NTN1: variants seen among roughly 807,000 people sequenced by gnomAD.
NTN1 encodes the protein netrin 1.
In NTN1, 11 loss-of-function variants were observed where a neutral mutation model predicts 54.2. That is an observed-to-expected ratio of 0.20 (90% confidence interval 0.13 to 0.34). The LOEUF is 0.34. Ranked by LOEUF, NTN1 falls within the 10% of genes least tolerant of loss-of-function variation. The probability of loss-of-function intolerance (pLI) is 1.00; values close to 1 mark genes in which losing one functional copy is unlikely to be tolerated. For synonymous variants in NTN1, 371 were observed against 382.0 expected (o/e 0.97, Z 0.33); for missense variants, 740 against 893.1 (o/e 0.83, Z 2.18).
intron 2 of NTN1, among the ~76,000 whole-genome samples, chr17:9,092,844 C>T (rs1017000277): frequency 4.6e-5 from 7 of 151,990 alleles, no homozygotes; most frequent in African/African-American, 1.2e-4. Flanking sequence ...CTGCAAGCTC[C>T]GCCTCCCAGG....
chr17:9,216,813 C>T lies in NTN1; in HGVS notation c.1412-4355C>T, dbSNP rs1040644311. 3.3e-5 allele frequency among the ~76,000 whole-genome samples: 5 copies of T among 152,130 alleles called. No homozygotes were observed. The South Asian group carries it at 6.2e-4, about 19-fold the overall frequency. On this transcript the variant is annotated intron_variant, in intron 5 of 6. Coordinates refer to ENST00000173229, the MANE Select transcript of NTN1 (RefSeq NM_004822.3). ...ATCCCAGCACTTTGGGAGGCCAAGGCGGGTGGATCATGAGGTCAGGAGTTC... is the reference window on the plus strand; with the variant it reads ...ATCCCAGCACTTTGGGAGGCCAAGGTGGGTGGATCATGAGGTCAGGAGTTC...
intron 5 of NTN1, among the ~76,000 whole-genome samples, chr17:9,197,467 T>G (rs1367084930): frequency 6.6e-6 from 1 of 151,926 alleles, no homozygotes; most frequent in East Asian, 1.9e-4. Context: ...GAGACCAGCC[T>G]GGCCAACATG....
chr17:9,122,753 T>C (rs117107596), intron 2 of NTN1, among the ~76,000 whole-genome samples: 4 of 152,230 alleles, frequency 2.6e-5, no homozygotes, highest in Non-Finnish European at 5.9e-5. Flanking sequence ...TACCCTGTGG[T>C]GTGTCTGTTG....
chr17:9,047,263 G>T (rs977640642), intron 2 of NTN1, among the ~76,000 whole-genome samples: 2 of 152,152 alleles, frequency 1.3e-5, no homozygotes, highest in African/African-American at 4.8e-5. Context: ...TTCCTTTCAT[G>T]AAAGATTTTG....
chr17:9,034,047 G>A (rs2091895905), intron 2 of NTN1, among the ~76,000 whole-genome samples: 2 of 152,180 alleles, frequency 1.3e-5, no homozygotes, highest in South Asian at 4.1e-4. Flanking sequence ...TAGGGACAAT[G>A]GTGAGAGAAC....
intron 5 of NTN1, among the ~76,000 whole-genome samples, chr17:9,220,755 A>G (rs1905319078): frequency 6.6e-6 from 1 of 152,078 alleles, no homozygotes. Flanking sequence ...GCTCCGCACC[A>G]TGAAAGCCAG....
At chr17:9,202,949 T>G (rs1177653672) in intron 5 of NTN1, among the ~76,000 whole-genome samples, 2 of 152,084 alleles carry the variant, frequency 1.3e-5, no homozygotes, top group African/African-American at 4.8e-5. Context: ...TGAGATGGAG[T>G]CTCTCTCTGT....
rs547824807 is a variant in NTN1 at position 9,074,457 on chromosome 17, T to G, written c.1018+51066T>G. Among the ~76,000 whole-genome samples the G allele has an allele frequency of 2.0e-5, 3 of 152,290 alleles. No individual in the cohort carries two copies. The East Asian group carries it at 5.8e-4, about 29-fold the overall frequency. ...AGTGAGTGTGCAAATCAGTGGAAAT[T>G]CATCTGCACCACTGGAAAAACAACT... On this transcript the variant is annotated intron_variant, in intron 2 of 6. Coordinates refer to ENST00000173229, the MANE Select transcript of NTN1 (RefSeq NM_004822.3).
At chr17:9,161,671 AG>A (rs2092357347) in intron 2 of NTN1, among the ~76,000 whole-genome samples, 1 of 152,130 alleles carries the variant, frequency 6.6e-6, no homozygotes, top group African/African-American at 2.4e-5. Flanking sequence ...CCAGCTACTT[AG>A]GAGGGTGAGG....
intron 5 of NTN1, among the ~76,000 whole-genome samples, chr17:9,206,958 C>T (rs1353741657): frequency 6.6e-6 from 1 of 152,124 alleles, no homozygotes; most frequent in Non-Finnish European, 1.5e-5. Flanking sequence ...GGAGCCTTTA[C>T]TTTTCGGCTG....
Position 9,240,019 on chromosome 17 carries a change from G to C in NTN1, c.*51G>C. 8.2e-7 allele frequency: 1 copy of C among 1,226,576 alleles called. No homozygotes were observed. 76.0% of individuals were successfully genotyped at this position (1,226,576 alleles called of 1,614,324 possible). ...GGCGGGCGCCAGGGCGGGGCCGAGCGAGAGCGGGCGCCTTGGCCCGGCCGC... is the reference window on the plus strand; with the variant it reads ...GGCGGGCGCCAGGGCGGGGCCGAGCCAGAGCGGGCGCCTTGGCCCGGCCGC... On this transcript the variant is annotated 3_prime_UTR_variant, in exon 7 of 7. Coordinates refer to ENST00000173229, the MANE Select transcript of NTN1 (RefSeq NM_004822.3).
intron 2 of NTN1, among the ~76,000 whole-genome samples, chr17:9,114,166 A>AAAAAATATAT (rs1555569108): frequency 8.0e-5 from 6 of 74,658 alleles, no homozygotes; most frequent in African/African-American, 3.5e-4. Context: ...AAAAAAAAAA[A>AAAAAATATAT]ATATATATAT....
chr17:9,208,372 G>A (rs1905021811), intron 5 of NTN1, among the ~76,000 whole-genome samples: 2 of 152,204 alleles, frequency 1.3e-5, no homozygotes, highest in African/African-American at 4.8e-5. Flanking sequence ...GGCAGCTTTG[G>A]TGTCTCACAG....
intron 2 of NTN1, among the ~76,000 whole-genome samples, chr17:9,072,039 A>G (rs577637196): frequency 2.6e-5 from 4 of 152,250 alleles, no homozygotes; most frequent in African/African-American, 9.6e-5. Context: ...CAGCCCCGAG[A>G]GTCGGGAGGG....
At chr17:9,093,927 T>C (rs12951989) in intron 2 of NTN1, among the ~76,000 whole-genome samples, 71 of 152,100 alleles carry the variant, frequency 4.7e-4, no homozygotes, top group Non-Finnish European at 9.4e-4. Context: ...TGAGACGAGA[T>C]TGTGGCACTG....
chr17:9,231,218 G>C (rs1272620916), intron 6 of NTN1, among the ~76,000 whole-genome samples: 1 of 152,140 alleles, frequency 6.6e-6, no homozygotes, highest in East Asian at 1.9e-4. Flanking sequence ...CCTGAGGCCT[G>C]TCTCAAAGTC....
intron 2 of NTN1, among the ~76,000 whole-genome samples, chr17:9,077,592 GC>G: frequency 6.6e-6 from 1 of 152,186 alleles, no homozygotes; most frequent in African/African-American, 2.4e-5. Context: ...TGCTTTAAGT[GC>G]TATATGAATA....
In NTN1 at chr17:9,238,465, G is replaced by T. The variant is rs1423589941; in HGVS notation, c.1487-1175G>T. On this transcript the variant is annotated intron_variant, in intron 6 of 6. Transcript: ENST00000173229. The stretch of plus-strand genomic sequence containing the variant: ...GGATGGCTGTTTCTCTTGAACAGAG[G>T]TGAGTACAGCAGAGGCCCCTCCAGG... Among the ~76,000 whole-genome samples the T allele has an allele frequency of 2.6e-4, 40 of 152,136 alleles. 1 individual carries two copies. Among genetic ancestry groups the T allele is most frequent in the Admixed American group, 2.6e-3 (40 of 15,276 alleles).
At chr17:9,037,279 C>T (rs967609354) in intron 2 of NTN1, among the ~76,000 whole-genome samples, 1 of 152,144 alleles carries the variant, frequency 6.6e-6, no homozygotes, top group South Asian at 2.1e-4. Context: ...TTAAACATAA[C>T]TTTTCCTATA....
Sources: allele counts gnomAD v4.1 joint callset (sites outside exome capture counted in the v4.1 genomes callset), GRCh38; gene constraint gnomAD v4.1.1; transcripts MANE v1.5; gene names NCBI Gene and HGNC (gene_info 2026-07-23, HGNC 2026-07-21).